The following ANKRD16 variants were observed in gnomAD, a reference collection of about 807,000 sequenced individuals.
ANKRD16 encodes ankyrin repeat domain 16.
Under a neutral mutation model 37.9 loss-of-function variants are expected in ANKRD16, and 35 were observed. The ratio of observed to expected loss-of-function variants is 0.92; its 90% CI spans 0.71 to 1.23. The LOEUF (loss-of-function observed/expected upper bound fraction) is 1.23, where lower values mean the gene tolerates loss of function less well. Ranked by LOEUF, ANKRD16 falls within the 50% of genes most tolerant of loss-of-function variation. The pLI is 0.00. For missense variants in ANKRD16, 480 were observed against 469.9 expected, an observed-to-expected ratio of 1.02 and a Z score of -0.20; for synonymous variants, 206 against 197.2, an observed-to-expected ratio of 1.04 and a Z score of -0.37.
intron 7 of ANKRD16, among the ~76,000 whole-genome samples, chr10:5,872,542 A>G (rs747312097): frequency 5.3e-5 from 8 of 152,032 alleles, no homozygotes; most frequent in Non-Finnish European, 8.8e-5. Flanking sequence ...AACCGTATGC[A>G]TTTTATTTAT....
At position 5,878,785 on chromosome 10, in the gene ANKRD16, CAAAAAAAAA is replaced by C. The variant is rs55672822; in HGVS notation, c.929-507_929-499del. The stretch of plus-strand genomic sequence containing the variant: ...TGGGTGACAGAGCAAGACTCTGCCT[CAAAAAAAAA>C]AAAAAAAGAAAAAGAAACTTATCTA... On this transcript the variant is annotated intron_variant, in intron 6 of 7. Transcript: ENST00000380094. This position sits in a 1 kb window ranked among gnomAD's most constrained non-coding sequence, Gnocchi z 5.1. 8.2e-6 allele frequency among the ~76,000 whole-genome samples: 1 copy of C among 121,326 alleles called. No homozygotes were observed. The highest frequency in any genetic ancestry group is 3.1e-5 in the African/African-American group (1 of 32,624). 79.6% of individuals were successfully genotyped at this position (121,326 alleles called of 152,430 possible). A position where few individuals can be genotyped will look rare whatever the true frequency, so the allele number is the denominator to read the frequency against.
intron 5 of ANKRD16, among the ~76,000 whole-genome samples, chr10:5,880,791 C>T (rs1564417652): frequency 6.6e-6 from 1 of 152,204 alleles, no homozygotes; most frequent in Admixed American, 6.5e-5. Flanking sequence ...AGGCAGCTTT[C>T]TGCATGACTC....
Position 5,872,694 on chromosome 10 carries a change from C to T in ANKRD16, c.*33+5403G>A, listed in dbSNP as rs1390175251. ...GCCTCAGCCTCTCGAGTAGCTAGGA[C>T]TACAGGCGCCCGCCACCACACCCGG... On this transcript the variant is annotated intron_variant, in intron 7 of 7. Transcript: ENST00000380094. Among the ~76,000 whole-genome samples the T allele has an allele frequency of 5.3e-5, 8 of 150,766 alleles. No individual in the cohort carries two copies. The South Asian group carries it at 6.3e-4, about 12-fold the overall frequency.
In ANKRD16 at chr10:5,868,559, A is replaced by C. The variant is rs560664830; in HGVS notation, c.*34-5868T>G. Among the ~76,000 whole-genome samples, 20 of 152,296 alleles carry C rather than the reference A, an allele frequency of 1.3e-4. No individual in the cohort carries two copies. The South Asian group carries it at 2.3e-3, about 17-fold the overall frequency. ...TAGCTAAAGGATTGTAAACACACCAATCAGCACTCTGTAAAATGGACCAAT... is the reference window on the plus strand; with the variant it reads ...TAGCTAAAGGATTGTAAACACACCACTCAGCACTCTGTAAAATGGACCAAT... On this transcript the variant is annotated intron_variant, in intron 7 of 7. Transcript: ENST00000380094. The surrounding 1 kb of genome is among the most constrained non-coding windows in gnomAD (Gnocchi z 4.9).
intron 5 of ANKRD16, 124 bp from the exon 6 acceptor site, chr10:5,880,500 C>A: frequency 2.2e-6 from 1 of 458,456 alleles, no homozygotes; most frequent in Non-Finnish European, 3.8e-6. Context: ...TAAGGACATA[C>A]CTGAGAGACA....
At position 5,863,254 on chromosome 10, in the gene ANKRD16, T is replaced by A. The variant is rs1278302964; in HGVS notation, c.*34-563A>T. 6.6e-6 allele frequency among the ~76,000 whole-genome samples: 1 copy of A among 151,870 alleles called. No individual in the cohort carries two copies. The highest frequency in any genetic ancestry group is 1.5e-5 in the Non-Finnish European group (1 of 67,976). On this transcript the variant is annotated intron_variant, in intron 7 of 7. Transcript: ENST00000380094. This position sits in a 1 kb window ranked among gnomAD's most constrained non-coding sequence, Gnocchi z 4.7. ...GTGCCAGAAGAATCAGTCCTCCAGATGGGTGGGCAGCACTGGGCCTGAGGT... is the reference window on the plus strand; with the variant it reads ...GTGCCAGAAGAATCAGTCCTCCAGAAGGGTGGGCAGCACTGGGCCTGAGGT...
rs559030314 is a variant in ANKRD16 at position 5,868,519 on chromosome 10, T to C, written c.*34-5828A>G. 1.3e-5 allele frequency among the ~76,000 whole-genome samples: 2 copies of C among 152,232 alleles called. No homozygotes were observed. The highest frequency in any genetic ancestry group is 4.8e-5 in the African/African-American group (2 of 41,532). On this transcript the variant is annotated intron_variant, in intron 7 of 7. Coordinates refer to ENST00000380094, the MANE Select transcript of ANKRD16 (RefSeq NM_019046.3). This position sits in a 1 kb window ranked among gnomAD's most constrained non-coding sequence, Gnocchi z 4.9. ...TCAGCACTCTATAAAAATGCACCAA[T>C]CAGCGCTCTGTGTCTAGCTAAAGGA...
intron 5 of ANKRD16, among the ~76,000 whole-genome samples, chr10:5,881,474 A>ATATG (rs1842314730): frequency 1.1e-5 from 1 of 94,268 alleles, no homozygotes; most frequent in African/African-American, 4.1e-5. Flanking sequence ...ATATATATAT[A>ATATG]TATATATTTG....
At chr10:5,884,512 C>T (rs1329099173) in intron 3 of ANKRD16, among the ~76,000 whole-genome samples, 2 of 152,160 alleles carry the variant, frequency 1.3e-5, no homozygotes, top group African/African-American at 4.8e-5. Context: ...GGGTGGATCA[C>T]CTGAGGTCAG....
At chr10:5,880,050 T>C (rs1842263019) in intron 6 of ANKRD16, among the ~76,000 whole-genome samples, 1 of 151,696 alleles carries the variant, frequency 6.6e-6, no homozygotes, top group African/African-American at 2.4e-5. Context: ...TTCCAGCTAC[T>C]TGGGAGGCTG....
intron 7 of ANKRD16, among the ~76,000 whole-genome samples, chr10:5,873,011 C>T (rs2131760908): frequency 6.7e-6 from 1 of 149,594 alleles, no homozygotes; most frequent in East Asian, 2.0e-4. Flanking sequence ...AGGTGTGCCC[C>T]ACCACACCTG....
rs1841990983 is a variant in ANKRD16, at chr10:5,864,793, G to A, written c.*34-2102C>T. Among the ~76,000 whole-genome samples, 1 of 152,176 alleles carries A rather than the reference G, an allele frequency of 6.6e-6. No homozygotes were observed. The highest frequency in any genetic ancestry group is 6.5e-5 in the Admixed American group (1 of 15,278). ...GTTCTAGAAGGACAAAGGAGAATTA[G>A]GAAAAAGCCTGTGAATTATTTGATG... is the stretch of plus-strand genomic sequence containing the variant. On this transcript the variant is annotated intron_variant, in intron 7 of 7. Transcript: ENST00000380094. The surrounding 1 kb of genome is among the most constrained non-coding windows in gnomAD (Gnocchi z 4.4).
chr10:5,878,028 G>C lies in ANKRD16; in HGVS notation c.*33+69C>G. 1.4e-6 allele frequency: 2 copies of C among 1,474,422 alleles called. No homozygotes were observed. The highest frequency in any genetic ancestry group is 1.8e-6 in the Non-Finnish European group (2 of 1,086,730). The allele number at this position is 1,474,422 out of a possible 1,614,324, so 91.3% of individuals were successfully genotyped here. On this transcript the variant is annotated intron_variant, in intron 7 of 7. Transcript: ENST00000380094. This position sits in a 1 kb window ranked among gnomAD's most constrained non-coding sequence, Gnocchi z 5.1. ...ATGAGGGAAGGGAGGAAGTGGAGGAGATGGAAAACTGGCTTCCAACTGGTT... is the reference window on the plus strand; with the variant it reads ...ATGAGGGAAGGGAGGAAGTGGAGGACATGGAAAACTGGCTTCCAACTGGTT...
intron 6 of ANKRD16, among the ~76,000 whole-genome samples, chr10:5,879,495 C>T (rs988252357): frequency 6.6e-6 from 1 of 151,912 alleles, no homozygotes; most frequent in Non-Finnish European, 1.5e-5. Flanking sequence ...TCCACTAAAC[C>T]CTTGCAAGAT....
rs1185066023 is a variant in ANKRD16 at position 5,866,960 on chromosome 10, CAGA to C, written c.*34-4272_*34-4270del. Reference sequence around the variant, plus strand: ...AGAGAGGGAGAGACAAAGAGGGAGTCAGAAGGAGAGAGAAAGACAAAGAAGAAG... The same window carrying C: ...AGAGAGGGAGAGACAAAGAGGGAGTCAGGAGAGAGAAAGACAAAGAAGAAG... On this transcript the variant is annotated intron_variant, in intron 7 of 7. Coordinates refer to ENST00000380094, the MANE Select transcript of ANKRD16 (RefSeq NM_019046.3). The surrounding 1 kb of genome is among the most constrained non-coding windows in gnomAD (Gnocchi z 4.3). Among the ~76,000 whole-genome samples, 8 of 151,298 alleles carry C rather than the reference CAGA, an allele frequency of 5.3e-5. No individual in the cohort carries two copies. The highest frequency in any genetic ancestry group is 2.1e-4 in the South Asian group (1 of 4,776).
At chr10:5,876,445 G>A (rs1842186696) in intron 7 of ANKRD16, among the ~76,000 whole-genome samples, 1 of 152,170 alleles carries the variant, frequency 6.6e-6, no homozygotes, top group Non-Finnish European at 1.5e-5. Flanking sequence ...GTCCCAGACT[G>A]ATCTTTCAGT....
Position 5,885,770 on chromosome 10 carries a change from G to C in ANKRD16, c.536-5C>G. The C allele has an allele frequency of 1.3e-6, 2 of 1,598,160 alleles. No homozygotes were observed. Among genetic ancestry groups the C allele is most frequent in the South Asian group, 1.1e-5 (1 of 87,348 alleles). ...CCTCCAAATGGCCATGCATTGCTGG[G>C]AGGAGAAAGAAAGCTGAGAATTAGA... On this transcript the variant is annotated splice_polypyrimidine_tract_variant and splice_region_variant and intron_variant, in intron 2 of 7. Transcript: ENST00000380094.
Position 5,863,558 on chromosome 10 carries a change from G to A in ANKRD16, c.*34-867C>T, listed in dbSNP as rs184195753. 5.1e-3 allele frequency among the ~76,000 whole-genome samples: 781 copies of A among 152,172 alleles called. 12 individuals carry two copies. The highest frequency in any genetic ancestry group is 0.018 in the African/African-American group (747 of 41,476). ...ATGGACCAATCAGCAGGACGTGGGC[G>A]GGGACAAATAAGAGAATAAAAGCTG... On this transcript the variant is annotated intron_variant, in intron 7 of 7. Transcript: ENST00000380094. The surrounding 1 kb of genome is among the most constrained non-coding windows in gnomAD (Gnocchi z 4.7).
chr10:5,879,064 G>A (rs1035872987), intron 6 of ANKRD16, among the ~76,000 whole-genome samples: 2 of 152,188 alleles, frequency 1.3e-5, no homozygotes, highest in African/African-American at 4.8e-5. Flanking sequence ...AGGGGCACTG[G>A]TGATTCTGCT....
Sources: allele counts gnomAD v4.1 joint callset (sites outside exome capture counted in the v4.1 genomes callset), GRCh38; gene constraint gnomAD v4.1.1; non-coding constraint Gnocchi (gnomAD v3.1); transcripts MANE v1.5; gene names NCBI Gene and HGNC (gene_info 2026-07-23, HGNC 2026-07-21).